LRRC49: variants seen among roughly 807,000 people sequenced by gnomAD.
LRRC49 encodes leucine rich repeat containing 49, also known as leucine-rich repeat-containing protein 49.
In LRRC49, 50 loss-of-function variants were observed where a neutral mutation model predicts 83.3. The ratio of observed to expected loss-of-function variants is 0.60; its 90% CI spans 0.48 to 0.76. LRRC49 has a LOEUF of 0.76. Among genes scored for constraint, LRRC49 ranks in the 30% least tolerant of loss-of-function variants. The pLI, the probability that LRRC49 is intolerant of heterozygous loss-of-function variation, is 0.00. For synonymous variants in LRRC49, 286 were observed against 283.3 expected (o/e 1.01, Z -0.10); for missense variants, 704 against 809.1 (o/e 0.87, Z 1.58).
At chr15:70,914,212 T>G (rs1042656511) in intron 6 of LRRC49, among the ~76,000 whole-genome samples, 5 of 152,100 alleles carry the variant, frequency 3.3e-5, no homozygotes, top group African/African-American at 1.2e-4. Flanking sequence ...CTTAGTTACC[T>G]TAGGTTTCTA....
chr15:70,854,602 C>T (rs533983068), intron 1 of LRRC49, among the ~76,000 whole-genome samples: 3 of 152,198 alleles, frequency 2.0e-5, no homozygotes, highest in Non-Finnish European at 4.4e-5. Context: ...AGAAAATTTC[C>T]ATCGTTAGTC....
At chr15:70,875,508 A>G (rs2033135175) in intron 2 of LRRC49, among the ~76,000 whole-genome samples, 1 of 152,216 alleles carries the variant, frequency 6.6e-6, no homozygotes. Flanking sequence ...AACGGCCCAA[A>G]AAGGCAAAGT....
At chr15:70,915,705 A>G (rs1422194122) in intron 6 of LRRC49, among the ~76,000 whole-genome samples, 1 of 152,138 alleles carries the variant, frequency 6.6e-6, no homozygotes, top group African/African-American at 2.4e-5. Context: ...GTTTTAAAAT[A>G]TTTTACTCCA....
intron 1 of LRRC49, among the ~76,000 whole-genome samples, chr15:70,860,404 A>G (rs1437562387): frequency 2.0e-5 from 3 of 152,194 alleles, no homozygotes. Context: ...TCAAACAAAC[A>G]AACAAACAAA....
intron 8 of LRRC49, among the ~76,000 whole-genome samples, chr15:70,961,361 A>G (rs1419352294): frequency 6.6e-6 from 1 of 152,214 alleles, no homozygotes; most frequent in Non-Finnish European, 1.5e-5. Flanking sequence ...TAAAATAAAC[A>G]TAGTCTTACT....
chr15:70,869,356 G>A (rs1225334175), intron 1 of LRRC49, among the ~76,000 whole-genome samples: 3 of 152,064 alleles, frequency 2.0e-5, no homozygotes, highest in Non-Finnish European at 4.4e-5. Flanking sequence ...CCCACTCAAA[G>A]CCTCCCCTCT....
intron 7 of LRRC49, among the ~76,000 whole-genome samples, chr15:70,920,668 C>T (rs902009058): frequency 6.6e-6 from 1 of 152,084 alleles, no homozygotes; most frequent in Admixed American, 6.6e-5. Flanking sequence ...CTGAATTTCC[C>T]GTTGAGTATT....
chr15:70,912,272 T>C (rs2034581420), intron 6 of LRRC49, among the ~76,000 whole-genome samples: 1 of 152,150 alleles, frequency 6.6e-6, no homozygotes, highest in South Asian at 2.1e-4. Context: ...GTCTGTTTGT[T>C]TTATCTTGTT....
At chr15:70,864,718 T>G (rs1291604958) in intron 1 of LRRC49, among the ~76,000 whole-genome samples, 4 of 152,210 alleles carry the variant, frequency 2.6e-5, no homozygotes, top group Admixed American at 2.6e-4. Context: ...CAGTTTAGTG[T>G]ACGGGACATT....
chr15:70,858,876 G>T, intron 1 of LRRC49: 2 of 761,812 alleles, frequency 2.6e-6, no homozygotes, highest in Non-Finnish European at 4.8e-6. Context: ...GAGGCTGGGT[G>T]GTGGGGCCAG....
intron 7 of LRRC49, among the ~76,000 whole-genome samples, chr15:70,928,757 G>T (rs2035302970): frequency 1.3e-5 from 2 of 152,016 alleles, no homozygotes; most frequent in African/African-American, 4.8e-5. Flanking sequence ...TAGAAATGGG[G>T]TTTCACCACA....
intron 2 of LRRC49, among the ~76,000 whole-genome samples, chr15:70,883,733 C>T (rs931498806): frequency 1.3e-5 from 2 of 151,262 alleles, no homozygotes; most frequent in African/African-American, 4.9e-5. Flanking sequence ...ACTGCAACTG[C>T]AACATCCACC....
At chr15:71,032,855 T>C (rs2039401939) in intron 14 of LRRC49, among the ~76,000 whole-genome samples, 1 of 152,108 alleles carries the variant, frequency 6.6e-6, no homozygotes, top group South Asian at 2.1e-4. Context: ...ATTGATGGAA[T>C]GTACCTCAAA....
intron 1 of LRRC49, chr15:70,893,243 T>A: frequency 3.5e-6 from 2 of 564,858 alleles, no homozygotes; most frequent in Non-Finnish European, 3.1e-6. Context: ...CTTTTCCTTT[T>A]AACTGTGAAG....
chr15:70,923,508 G>A (rs1028360618), intron 7 of LRRC49, among the ~76,000 whole-genome samples: 1 of 151,838 alleles, frequency 6.6e-6, no homozygotes, highest in African/African-American at 2.4e-5. Flanking sequence ...ATGAGCATGG[G>A]CTATATGCCA....
At chr15:70,962,102 TG>T (rs997687704) in intron 8 of LRRC49, among the ~76,000 whole-genome samples, 2 of 152,186 alleles carry the variant, frequency 1.3e-5, no homozygotes, top group African/African-American at 4.8e-5. Flanking sequence ...TGTTTCTCAT[TG>T]GGGGTACACA....
intron 11 of LRRC49, among the ~76,000 whole-genome samples, chr15:70,991,131 G>C (rs1285435360): frequency 6.6e-6 from 1 of 152,128 alleles, no homozygotes; most frequent in Admixed American, 6.5e-5. Context: ...TATACTATCT[G>C]TCTATTCCAG....
At chr15:70,931,427 A>C (rs2035403007) in intron 7 of LRRC49, among the ~76,000 whole-genome samples, 1 of 152,128 alleles carries the variant, frequency 6.6e-6, no homozygotes. Context: ...ATAATAATAA[A>C]ATTTGAAATA....
chr15:70,894,548 TCTTTC>T (rs1449720719), intron 2 of LRRC49: 1 of 943,452 alleles, frequency 1.1e-6, no homozygotes, highest in Non-Finnish European at 1.4e-6. Flanking sequence ...AACATGTTTT[TCTTTC>T]CTTTCTGTCT....
Sources: allele counts gnomAD v4.1 joint callset (sites outside exome capture counted in the v4.1 genomes callset), GRCh38; gene constraint gnomAD v4.1.1; transcripts MANE v1.5; gene names NCBI Gene and HGNC (gene_info 2026-07-23, HGNC 2026-07-21).